LSAMP: variants seen among roughly 807,000 people sequenced by gnomAD.
LSAMP encodes limbic system-associated membrane protein.
LSAMP carries 7 observed loss-of-function variants against 38.6 expected under a neutral mutation model. The ratio of observed to expected loss-of-function variants is 0.18; its 90% CI spans 0.10 to 0.34. The LOEUF (loss-of-function observed/expected upper bound fraction) is 0.34. Among genes scored for constraint, LSAMP ranks in the 10% least tolerant of loss-of-function variants. The probability of loss-of-function intolerance (pLI) is 1.00; values close to 1 mark genes in which losing one functional copy is unlikely to be tolerated. For synonymous variants in LSAMP, 154 were observed against 166.8 expected (o/e 0.92, Z 0.59); for missense variants, 313 against 420.0 (o/e 0.75, Z 2.23).
chr3:116,198,567 A>G (rs1395026923), intron 1 of LSAMP, among the ~76,000 whole-genome samples: 1 of 151,476 alleles, frequency 6.6e-6, no homozygotes, highest in African/African-American at 2.4e-5. Context: ...CAGGAGATCG[A>G]GACCATCCCG....
chr3:116,255,170 G>A (rs2046733682), intron 1 of LSAMP, among the ~76,000 whole-genome samples: 1 of 152,020 alleles, frequency 6.6e-6, no homozygotes, highest in South Asian at 2.1e-4. Flanking sequence ...AGTGATGTTT[G>A]TTTTAATAAC....
intron 1 of LSAMP, among the ~76,000 whole-genome samples, chr3:116,293,361 A>G (rs183413821): frequency 2.8e-3 from 434 of 152,332 alleles, no homozygotes; most frequent in Non-Finnish European, 3.6e-3. Flanking sequence ...GAAGGGCTAT[A>G]CAAAGGTAGA....
At chr3:116,085,360 A>T (rs1402855393) in intron 2 of LSAMP, among the ~76,000 whole-genome samples, 2 of 152,208 alleles carry the variant, frequency 1.3e-5, no homozygotes, top group Non-Finnish European at 1.5e-5. Context: ...CACTACAATA[A>T]TCAATTCCAT....
chr3:116,029,059 C>T (rs1041614704), intron 2 of LSAMP, among the ~76,000 whole-genome samples: 1 of 151,990 alleles, frequency 6.6e-6, no homozygotes, highest in African/African-American at 2.4e-5. Context: ...GAAAAAGCTG[C>T]CAAAATAAAA....
rs143646871 is a variant in LSAMP, at chr3:115,965,878, G to C, written c.514+53637C>G. On this transcript the variant is annotated intron_variant, in intron 3 of 6. Transcript: ENST00000490035. ...TAGTTTTGAGTGTGGAAAGTATGTAGAGAAATACAAATTATCTTTAGTTGT... is the reference window on the plus strand; with the variant it reads ...TAGTTTTGAGTGTGGAAAGTATGTACAGAAATACAAATTATCTTTAGTTGT... Among the ~76,000 whole-genome samples, 646 of 152,186 alleles carry C rather than the reference G, an allele frequency of 4.2e-3. 2 individuals carry two copies. The highest frequency in any genetic ancestry group is 0.015 in the African/African-American group (621 of 41,542).
At chr3:115,820,508 T>G (rs1345390332) in intron 6 of LSAMP, among the ~76,000 whole-genome samples, 1 of 152,174 alleles carries the variant, frequency 6.6e-6, no homozygotes, top group Non-Finnish European at 1.5e-5. Context: ...GATTTAATAT[T>G]AGGAAAGGCA....
chr3:116,373,393 A>G (rs1389277517), intron 1 of LSAMP, among the ~76,000 whole-genome samples: 1 of 151,678 alleles, frequency 6.6e-6, no homozygotes, highest in Non-Finnish European at 1.5e-5. Flanking sequence ...ATAAGGACGG[A>G]AAGTAGGATG....
At chr3:116,153,932 C>T (rs1355687453) in intron 1 of LSAMP, among the ~76,000 whole-genome samples, 2 of 151,960 alleles carry the variant, frequency 1.3e-5, no homozygotes, top group African/African-American at 4.8e-5. Context: ...GCAACTCTAG[C>T]TCTAGTGAAC....
At chr3:116,430,084 G>A (rs1177605232) in intron 1 of LSAMP, among the ~76,000 whole-genome samples, 1 of 152,170 alleles carries the variant, frequency 6.6e-6, no homozygotes, top group African/African-American at 2.4e-5. Context: ...TCTTATGCAT[G>A]TGTATGAAGC....
At chr3:116,434,793 G>A (rs548556406) in intron 1 of LSAMP, among the ~76,000 whole-genome samples, 40 of 152,158 alleles carry the variant, frequency 2.6e-4, no homozygotes, top group African/African-American at 8.7e-4. Context: ...CTTGTGATCC[G>A]CCAGCCTCAG....
At chr3:116,162,787 AC>A (rs1320519015) in intron 1 of LSAMP, among the ~76,000 whole-genome samples, 1 of 151,654 alleles carries the variant, frequency 6.6e-6, no homozygotes, top group Non-Finnish European at 1.5e-5. Flanking sequence ...ACACACACAC[AC>A]ACACACACAC....
chr3:116,283,880 C>T (rs576875328), intron 1 of LSAMP, among the ~76,000 whole-genome samples: 2 of 152,186 alleles, frequency 1.3e-5, no homozygotes, highest in South Asian at 4.2e-4. Flanking sequence ...GTGACATACA[C>T]CTGTAATCCC....
At chr3:116,364,221 GACAA>G (rs1407730252) in intron 1 of LSAMP, among the ~76,000 whole-genome samples, 3 of 39,708 alleles carry the variant, frequency 7.6e-5, no homozygotes, top group African/African-American at 7.0e-4. Flanking sequence ...ACCAACAACA[GACAA>G]ACAGAGAGCC....
intron 1 of LSAMP, among the ~76,000 whole-genome samples, chr3:116,199,129 C>G (rs1276083190): frequency 3.3e-5 from 5 of 149,922 alleles, no homozygotes; most frequent in Non-Finnish European, 7.4e-5. Flanking sequence ...AATCAGAACT[C>G]AGTAGAAAAA....
chr3:116,124,778 G>C (rs1476912055), intron 1 of LSAMP, among the ~76,000 whole-genome samples: 1 of 152,048 alleles, frequency 6.6e-6, no homozygotes, highest in Non-Finnish European at 1.5e-5. Flanking sequence ...ACATGGACAT[G>C]GTCATACACA....
chr3:116,279,675 A>G (rs2047101802), intron 1 of LSAMP, among the ~76,000 whole-genome samples: 1 of 152,198 alleles, frequency 6.6e-6, no homozygotes, highest in Admixed American at 6.5e-5. Flanking sequence ...ATGTTCAGTA[A>G]TAATACTGTC....
At chr3:116,202,475 T>C (rs6792060) in intron 1 of LSAMP, among the ~76,000 whole-genome samples, 122,295 of 151,644 alleles carry the variant, frequency 0.81, 50,007 homozygotes, top group East Asian at 0.91. Context: ...GACAGGGTTT[T>C]GCTCCATCAC....
At chr3:115,925,189 C>T (rs569360426) in intron 3 of LSAMP, among the ~76,000 whole-genome samples, 2 of 152,128 alleles carry the variant, frequency 1.3e-5, no homozygotes, top group African/African-American at 4.8e-5. Context: ...GTAGAGGGAG[C>T]TTGGACACAT....
intron 3 of LSAMP, among the ~76,000 whole-genome samples, chr3:115,952,426 A>G (rs1427481168): frequency 6.6e-6 from 1 of 152,236 alleles, no homozygotes; most frequent in Admixed American, 6.5e-5. Context: ...GGCAACCTGG[A>G]TGGAGTTGGA....
Sources: allele counts gnomAD v4.1 joint callset (sites outside exome capture counted in the v4.1 genomes callset), GRCh38; gene constraint gnomAD v4.1.1; transcripts MANE v1.5; gene names NCBI Gene and HGNC (gene_info 2026-07-23, HGNC 2026-07-21).